The following LRRC4C variants were observed in gnomAD, a reference collection of about 807,000 sequenced individuals.
LRRC4C encodes the protein leucine-rich repeat-containing protein 4C.
Under a neutral mutation model 33.6 loss-of-function variants are expected in LRRC4C, and 5 were observed. That is an observed-to-expected ratio of 0.15 (90% CI 0.08 to 0.31). The LOEUF is 0.31. LRRC4C is among the 10% of genes least tolerant of loss of function. The pLI is 1.00. For missense variants in LRRC4C, 560 were observed against 796.7 expected (o/e 0.70, Z 3.58); for synonymous variants, 329 against 302.0 (o/e 1.09, Z -0.93).
chr11:41,225,561 G>A (rs1225127518), intron 1 of LRRC4C, among the ~76,000 whole-genome samples: 1 of 152,146 alleles, frequency 6.6e-6, no homozygotes, highest in African/African-American at 2.4e-5. Context: ...CACTTTGGGA[G>A]GCCAAGGTGA....
At chr11:40,378,534 T>C (rs1021415845) in intron 3 of LRRC4C, among the ~76,000 whole-genome samples, 1 of 152,058 alleles carries the variant, frequency 6.6e-6, no homozygotes, top group Non-Finnish European at 1.5e-5. Flanking sequence ...GAAAGAACTA[T>C]AATGGATGGG....
At chr11:40,296,172 A>G (rs1944500982) in intron 4 of LRRC4C, among the ~76,000 whole-genome samples, 1 of 152,156 alleles carries the variant, frequency 6.6e-6, no homozygotes, top group South Asian at 2.1e-4. Flanking sequence ...GCCAAAATGG[A>G]AAAAGGAACA....
At chr11:40,220,283 A>T (rs940605335) in intron 5 of LRRC4C, among the ~76,000 whole-genome samples, 1 of 152,172 alleles carries the variant, frequency 6.6e-6, no homozygotes, top group Admixed American at 6.5e-5. Flanking sequence ...TACACCTCCC[A>T]AAAATTGTTA....
At chr11:40,766,050 T>A (rs1591660013) in intron 2 of LRRC4C, among the ~76,000 whole-genome samples, 15 of 136,126 alleles carry the variant, frequency 1.1e-4, no homozygotes, top group East Asian at 2.1e-4. Flanking sequence ...CTCCCAAAGG[T>A]CAAAAATAAA....
intron 3 of LRRC4C, among the ~76,000 whole-genome samples, chr11:40,480,300 A>C (rs191551771): frequency 6.6e-6 from 1 of 150,380 alleles, no homozygotes; most frequent in Admixed American, 6.7e-5. Context: ...CTTTTTTTTT[A>C]ATCTACTTTG....
chr11:40,406,479 T>G (rs935272649), intron 3 of LRRC4C, among the ~76,000 whole-genome samples: 4 of 152,140 alleles, frequency 2.6e-5, no homozygotes, highest in Non-Finnish European at 4.4e-5. Context: ...TATTTCCAAA[T>G]AAGAGTGTGA....
At chr11:41,225,666 A>C (rs1345077192) in intron 1 of LRRC4C, among the ~76,000 whole-genome samples, 1 of 152,048 alleles carries the variant, frequency 6.6e-6, no homozygotes, top group East Asian at 1.9e-4. Flanking sequence ...TGTTTCTATC[A>C]TATATAAACA....
chr11:40,454,596 A>G (rs1031091579), intron 3 of LRRC4C, among the ~76,000 whole-genome samples: 1 of 152,148 alleles, frequency 6.6e-6, no homozygotes, highest in Non-Finnish European at 1.5e-5. Context: ...GGACTTGTCT[A>G]CTTTGACAGT....
chr11:40,664,523 C>T lies in LRRC4C; in HGVS notation c.-406-16245G>A, dbSNP rs564117863. ...TCACACCACTTCACTCCAGCCTGAG[C>T]GAAAGAGCGAGACTCTGTCTCAAAA... On this transcript the variant is annotated intron_variant, in intron 2 of 6. Transcript: ENST00000528697. 3.6e-3 allele frequency among the ~76,000 whole-genome samples: 531 copies of T among 148,708 alleles called. 3 individuals are homozygous for T. The highest frequency in any genetic ancestry group is 0.012 in the African/African-American group (482 of 40,822).
At chr11:40,649,850 C>T (rs1166636981) in intron 2 of LRRC4C, among the ~76,000 whole-genome samples, 2 of 152,114 alleles carry the variant, frequency 1.3e-5, no homozygotes, top group Admixed American at 1.3e-4. Context: ...GCCACAGCTC[C>T]AGCCAGTCCC....
At chr11:41,208,117 G>T (rs1223514133) in intron 1 of LRRC4C, among the ~76,000 whole-genome samples, 1 of 152,086 alleles carries the variant, frequency 6.6e-6, no homozygotes, top group Admixed American at 6.5e-5. Context: ...GAACATTAAA[G>T]GTGCTTCTGG....
intron 1 of LRRC4C, among the ~76,000 whole-genome samples, chr11:41,451,015 A>G (rs1483379581): frequency 6.6e-6 from 1 of 152,076 alleles, no homozygotes; most frequent in Non-Finnish European, 1.5e-5. Flanking sequence ...CTTGTTTAGC[A>G]AGTTAATTGC....
At chr11:40,461,334 T>C (rs1454578243) in intron 3 of LRRC4C, among the ~76,000 whole-genome samples, 1 of 152,116 alleles carries the variant, frequency 6.6e-6, no homozygotes, top group Non-Finnish European at 1.5e-5. Flanking sequence ...AGCATAGCTT[T>C]TTGCTGGATT....
chr11:41,216,304 C>T (rs937110936), intron 1 of LRRC4C, among the ~76,000 whole-genome samples: 13 of 151,928 alleles, frequency 8.6e-5, no homozygotes, highest in Admixed American at 6.6e-4. Context: ...GTGAAATGAC[C>T]GCTATGCAAT....
intron 3 of LRRC4C, among the ~76,000 whole-genome samples, chr11:40,327,595 C>T (rs915045117): frequency 1.3e-5 from 2 of 152,130 alleles, no homozygotes; most frequent in Admixed American, 6.5e-5. Flanking sequence ...CTGATTTAGT[C>T]AGTTAGTCAG....
intron 1 of LRRC4C, among the ~76,000 whole-genome samples, chr11:41,127,853 G>A (rs1942822194): frequency 6.6e-6 from 1 of 152,082 alleles, no homozygotes; most frequent in East Asian, 1.9e-4. Context: ...GACGTGCATT[G>A]TGAACAAGAA....
chr11:40,536,719 G>C (rs1269373379), intron 3 of LRRC4C, among the ~76,000 whole-genome samples: 1 of 151,828 alleles, frequency 6.6e-6, no homozygotes, highest in Non-Finnish European at 1.5e-5. Context: ...TCTCTACAGG[G>C]CTTATTTGCT....
chr11:41,019,014 C>T (rs1855777399), intron 1 of LRRC4C, among the ~76,000 whole-genome samples: 1 of 152,116 alleles, frequency 6.6e-6, no homozygotes, highest in Non-Finnish European at 1.5e-5. Context: ...TCTAGTGCCC[C>T]TTTGTACTCC....
intron 1 of LRRC4C, among the ~76,000 whole-genome samples, chr11:41,205,739 T>C (rs1165713337): frequency 6.6e-6 from 1 of 151,972 alleles, no homozygotes; most frequent in Non-Finnish European, 1.5e-5. Context: ...GACCCAGGAG[T>C]ACTCCAAGGG....
Sources: allele counts gnomAD v4.1 joint callset (sites outside exome capture counted in the v4.1 genomes callset), GRCh38; gene constraint gnomAD v4.1.1; transcripts MANE v1.5; gene names NCBI Gene and HGNC (gene_info 2026-07-23, HGNC 2026-07-21).